The following TMCC1 variants were observed in gnomAD, a reference collection of about 807,000 sequenced individuals.
The protein encoded by TMCC1 is transmembrane and coiled-coil domains protein 1.
A neutral mutation model predicts 52.4 loss-of-function variants in TMCC1; 15 were observed. The ratio of observed to expected loss-of-function variants is 0.29; its 90% CI spans 0.19 to 0.44. The LOEUF is 0.44. Ranked by LOEUF, TMCC1 falls within the 20% of genes least tolerant of loss-of-function variation. The probability of loss-of-function intolerance (pLI) is 1.00; values close to 1 mark genes in which losing one functional copy is unlikely to be tolerated. For synonymous variants in TMCC1, 279 were observed against 301.9 expected (o/e 0.92, Z 0.79); for missense variants, 503 against 806.0 (o/e 0.62, Z 4.55).
intron 4 of TMCC1, among the ~76,000 whole-genome samples, chr3:129,768,926 T>C (rs939874776): frequency 6.6e-6 from 1 of 152,180 alleles, no homozygotes; most frequent in Non-Finnish European, 1.5e-5. Flanking sequence ...TCCTGATTTA[T>C]CCCTGCACTC....
At chr3:129,692,401 A>G (rs1238190400) in intron 4 of TMCC1, among the ~76,000 whole-genome samples, 1 of 152,218 alleles carries the variant, frequency 6.6e-6, no homozygotes, top group Non-Finnish European at 1.5e-5. Flanking sequence ...TAATTTTTGG[A>G]TGCCCAGATG....
intron 1 of TMCC1, among the ~76,000 whole-genome samples, chr3:129,884,434 C>A (rs1351797631): frequency 1.3e-5 from 2 of 151,992 alleles, no homozygotes; most frequent in Non-Finnish European, 2.9e-5. Context: ...TGGAGACCAG[C>A]CTGGGCAACA....
At chr3:129,671,347 G>C in intron 4 of TMCC1, 83 bp from the exon 5 acceptor site, 1 of 1,368,586 alleles carries the variant, frequency 7.3e-7, no homozygotes, top group Non-Finnish European at 9.8e-7. Flanking sequence ...TATTGGAAAT[G>C]TGTCTACTCT....
chr3:129,840,611 G>A (rs2059380471), intron 2 of TMCC1, among the ~76,000 whole-genome samples: 3 of 152,120 alleles, frequency 2.0e-5, no homozygotes, highest in Non-Finnish European at 4.4e-5. Context: ...GGACTTGGTG[G>A]GAGGCGACTG....
chr3:129,760,484 GTGTGTGTGTGTT>G (rs1208458797), intron 4 of TMCC1, among the ~76,000 whole-genome samples: 2 of 141,278 alleles, frequency 1.4e-5, no homozygotes, highest in African/African-American at 6.3e-5. Context: ...GTGTGTGTGT[GTGTGTGTGTGTT>G]TTTGAGACAG....
intron 2 of TMCC1, among the ~76,000 whole-genome samples, chr3:129,859,362 G>C (rs779934577): frequency 1.3e-5 from 2 of 152,182 alleles, no homozygotes; most frequent in African/African-American, 2.4e-5. Flanking sequence ...GGCTGGGTGT[G>C]ATAGCTCACG....
chr3:129,727,140 G>T (rs1370859408), intron 4 of TMCC1, among the ~76,000 whole-genome samples: 2 of 151,860 alleles, frequency 1.3e-5, no homozygotes, highest in Non-Finnish European at 2.9e-5. Flanking sequence ...ACAAACAAAT[G>T]AACAAAAAAC....
chr3:129,649,251 G>A lies in TMCC1; in HGVS notation c.*2230C>T, dbSNP rs1194257047. The A allele has an allele frequency of 1.3e-5, 2 of 152,150 alleles. No homozygotes were observed. Among genetic ancestry groups the A allele is most frequent in the Non-Finnish European group, 2.9e-5 (2 of 68,032 alleles). 9.4% of individuals were successfully genotyped at this position (152,150 alleles called of 1,614,324 possible). A position where few individuals can be genotyped will look rare whatever the true frequency, so the allele number is the denominator to read the frequency against. On this transcript the variant is annotated 3_prime_UTR_variant, in exon 7 of 7. Coordinates refer to ENST00000393238, the MANE Select transcript of TMCC1 (RefSeq NM_001017395.5). The stretch of plus-strand genomic sequence containing the variant: ...ACTTTGTGGGGGCTCTCTACTCTGA[G>A]CAATTACGCTAAAGCAGAAAGTTAG...
At chr3:129,789,731 C>T (rs1576853735) in intron 4 of TMCC1, among the ~76,000 whole-genome samples, 1 of 152,150 alleles carries the variant, frequency 6.6e-6, no homozygotes, top group African/African-American at 2.4e-5. Context: ...CTACCCACCT[C>T]GGCCTCCCAA....
intron 4 of TMCC1, among the ~76,000 whole-genome samples, chr3:129,716,318 A>G (rs1449733093): frequency 2.1e-5 from 3 of 142,532 alleles, no homozygotes; most frequent in African/African-American, 7.7e-5. Context: ...ATGAACCACT[A>G]CACCTGGCAA....
At chr3:129,875,909 G>A (rs533990386) in intron 2 of TMCC1, among the ~76,000 whole-genome samples, 12 of 152,252 alleles carry the variant, frequency 7.9e-5, no homozygotes, top group African/African-American at 2.2e-4. Context: ...CAAGGCGGGC[G>A]GATCACCTGA....
At chr3:129,697,408 A>AG (rs913774597) in intron 4 of TMCC1, among the ~76,000 whole-genome samples, 131 of 152,262 alleles carry the variant, frequency 8.6e-4, no homozygotes, top group African/African-American at 2.8e-3. Context: ...TGTACACAGC[A>AG]GGGGGGTCCT....
At chr3:129,845,724 A>T (rs1379741474) in intron 2 of TMCC1, among the ~76,000 whole-genome samples, 2 of 152,318 alleles carry the variant, frequency 1.3e-5, no homozygotes, top group Non-Finnish European at 1.5e-5. Flanking sequence ...TTGATAATAG[A>T]ATGTCCCCAA....
chr3:129,892,305 T>C (rs543818449), intron 1 of TMCC1, among the ~76,000 whole-genome samples: 3 of 152,246 alleles, frequency 2.0e-5, no homozygotes, highest in African/African-American at 7.2e-5. Context: ...GAGTGGGTGA[T>C]TGCAAAAAAA....
chr3:129,874,056 T>C (rs973073422), intron 2 of TMCC1, among the ~76,000 whole-genome samples: 4 of 152,050 alleles, frequency 2.6e-5, no homozygotes. Flanking sequence ...ACATAAAATA[T>C]CTGGAAGGAG....
intron 4 of TMCC1, among the ~76,000 whole-genome samples, chr3:129,795,119 C>A (rs1319457644): frequency 6.6e-6 from 1 of 152,184 alleles, no homozygotes; most frequent in Non-Finnish European, 1.5e-5. Context: ...ACGGTGACTT[C>A]AACTTGTGCC....
chr3:129,751,292 G>A (rs1035536817), intron 4 of TMCC1, among the ~76,000 whole-genome samples: 1 of 152,100 alleles, frequency 6.6e-6, no homozygotes, highest in Non-Finnish European at 1.5e-5. Context: ...CACTTTGAGT[G>A]GCTGAGGCAG....
At position 129,651,482 on chromosome 3, in the gene TMCC1, CA is replaced by C; in HGVS notation, c.1960del (p.Ter654AspfsTer43). 1 of 1,612,618 alleles carries C rather than the reference CA, an allele frequency of 6.2e-7. No homozygotes were observed. Among genetic ancestry groups the C allele is most frequent in the Non-Finnish European group, 8.5e-7 (1 of 1,178,964 alleles). ...YVERFFSSPR[*>X] ...GGAACAATGCCTTCTGTGCCAGCAT[CA>C]TCTAGGGGATGAAAAGAACCGTTCC... is the stretch of plus-strand genomic sequence containing the variant. On this transcript the variant is annotated frameshift_variant and stop_lost, in exon 7 of 7. Coordinates refer to ENST00000393238, the MANE Select transcript of TMCC1 (RefSeq NM_001017395.5). LOFTEE classifies it high-confidence loss of function. This position sits in a 1 kb window ranked among gnomAD's most constrained non-coding sequence, Gnocchi z 5.1.
intron 2 of TMCC1, among the ~76,000 whole-genome samples, chr3:129,864,532 A>C (rs543778021): frequency 6.6e-6 from 1 of 152,136 alleles, no homozygotes; most frequent in Non-Finnish European, 1.5e-5. Flanking sequence ...GCTCATACCT[A>C]TAATCCCAGC....
Sources: allele counts gnomAD v4.1 joint callset (sites outside exome capture counted in the v4.1 genomes callset), GRCh38; gene constraint gnomAD v4.1.1; non-coding constraint Gnocchi (gnomAD v3.1); transcripts MANE v1.5; gene names NCBI Gene and HGNC (gene_info 2026-07-23, HGNC 2026-07-21).